The following FAM210A variants were observed in gnomAD, a reference collection of about 807,000 sequenced individuals.
The protein encoded by FAM210A is family with sequence similarity 210 member A.
Under a neutral mutation model 25.3 loss-of-function variants are expected in FAM210A, and 13 were observed. The observed-to-expected ratio is 0.51, with a 90% CI of 0.33 to 0.82. The LOEUF (loss-of-function observed/expected upper bound fraction) is 0.82. Among genes scored for constraint, FAM210A ranks in the 40% least tolerant of loss-of-function variants. The pLI, the probability that FAM210A is intolerant of heterozygous loss-of-function variation, is 0.02. For synonymous variants in FAM210A, 125 were observed against 118.7 expected (o/e 1.05, Z -0.35); for missense variants, 319 against 323.2 (o/e 0.99, Z 0.10).
intron 1 of FAM210A, among the ~76,000 whole-genome samples, chr18:13,710,035 G>GT (rs1481830984): frequency 3.3e-5 from 5 of 152,162 alleles, no homozygotes; most frequent in African/African-American, 1.2e-4. Flanking sequence ...TTAGTTGACA[G>GT]TTTAACTTTG....
intron 2 of FAM210A, among the ~76,000 whole-genome samples, chr18:13,673,504 A>T (rs1347189210): frequency 3.5e-5 from 5 of 143,280 alleles, no homozygotes. Flanking sequence ...AACATTCCTA[A>T]GCCCCGGCTT....
At chr18:13,715,223 T>G (rs1183826522) in intron 1 of FAM210A, 1 of 152,182 alleles carries the variant, frequency 6.6e-6, no homozygotes, top group African/African-American at 2.4e-5. Context: ...CACCTCTCTT[T>G]AGGCACTCTG....
At chr18:13,715,664 GCA>G (rs2043855984) in intron 1 of FAM210A, among the ~76,000 whole-genome samples, 1 of 152,106 alleles carries the variant, frequency 6.6e-6, no homozygotes, top group Non-Finnish European at 1.5e-5. Flanking sequence ...CACCAAACTT[GCA>G]CAGAGTTATT....
At chr18:13,712,890 C>G (rs950487318) in intron 1 of FAM210A, among the ~76,000 whole-genome samples, 11 of 152,194 alleles carry the variant, frequency 7.2e-5, no homozygotes, top group African/African-American at 2.7e-4. Flanking sequence ...TATACAAAGA[C>G]TGATAGCAGT....
At chr18:13,669,139 A>ACTT (rs2043423447) in intron 3 of FAM210A, among the ~76,000 whole-genome samples, 1 of 152,132 alleles carries the variant, frequency 6.6e-6, no homozygotes, top group South Asian at 2.1e-4. Context: ...GAATCCAACT[A>ACTT]CTTCCTGCTA....
chr18:13,682,302 C>G (rs2149057099), intron 1 of FAM210A, among the ~76,000 whole-genome samples, 197 bp from the exon 2 acceptor site: 1 of 152,332 alleles, frequency 6.6e-6, no homozygotes, highest in Middle Eastern at 3.4e-3. Context: ...TGTGGTTACT[C>G]ATACCTGTAA....
chr18:13,709,698 T>A (rs1265739238), intron 1 of FAM210A, among the ~76,000 whole-genome samples: 1 of 152,252 alleles, frequency 6.6e-6, no homozygotes, highest in Non-Finnish European at 1.5e-5. Context: ...ACTGTTTTTT[T>A]CATTGCATCC....
At chr18:13,679,356 G>T (rs955326493) in intron 2 of FAM210A, among the ~76,000 whole-genome samples, 2 of 152,184 alleles carry the variant, frequency 1.3e-5, no homozygotes, top group Admixed American at 1.3e-4. Context: ...CTAGCCTCTT[G>T]TCAGGTGAAT....
At chr18:13,674,765 TTATTTCCAGTTTTCTGATTATTAA>T (rs2043476504) in intron 2 of FAM210A, among the ~76,000 whole-genome samples, 2 of 58,982 alleles carry the variant, frequency 3.4e-5, no homozygotes, top group Admixed American at 2.0e-4. Context: ...AGCCCCGACT[TTATTTCCAGTTTTCTGATTATTAA>T]CATTCCTGAG....
At position 13,671,886 on chromosome 18, in the gene FAM210A, G is replaced by T. The variant is rs768777594; in HGVS notation, c.561C>A (p.Ala187=). ...CCTTAAACAAGGCATATGCTGTGAG[G>T]GCATTTCCACTCTGGGAGTTTTTCA... is the stretch of plus-strand genomic sequence containing the variant. The part of the protein sequence containing the change: ...SILKNSQSGN[A]LTAYALFKIA... The change falls in exon 3 of 4, where the codon GCC becomes GCA. Residue 187 remains alanine (A), a synonymous_variant. Transcript: ENST00000651643. 1 of 1,613,256 alleles carries T rather than the reference G, an allele frequency of 6.2e-7. No homozygotes were observed. Among genetic ancestry groups the T allele is most frequent in the African/African-American group, 1.3e-5 (1 of 74,912 alleles).
chr18:13,702,976 A>G (rs2043752739), intron 1 of FAM210A, among the ~76,000 whole-genome samples: 1 of 152,216 alleles, frequency 6.6e-6, no homozygotes, highest in Non-Finnish European at 1.5e-5. Flanking sequence ...TGTGGTTAAA[A>G]GTCAGCTTAA....
rs986155289 is a variant in FAM210A at position 13,681,917 on chromosome 18, T to C, written c.161A>G (p.Gln54Arg). ...CTGGGCAGCAGATAAATGCAACCAT[T>C]GTTTTTGAGGGCCTTGTACCAAAAC... ...KVVLVQGPQKQWLHLSAAQCV... is the reference protein window; with the variant it reads ...KVVLVQGPQKRWLHLSAAQCV... The change falls in exon 2 of 4, where the codon CAA (glutamine) becomes CGA (arginine). Residue 54 changes from glutamine to arginine, a missense_variant. Coordinates refer to ENST00000651643, the MANE Select transcript of FAM210A (RefSeq NM_152352.4). 7.4e-6 allele frequency: 12 copies of C among 1,614,214 alleles called. No individual in the cohort carries two copies.
At chr18:13,713,358 T>G (rs1406472873) in intron 1 of FAM210A, among the ~76,000 whole-genome samples, 1 of 152,188 alleles carries the variant, frequency 6.6e-6, no homozygotes, top group Non-Finnish European at 1.5e-5. Context: ...TGGCCTTTTG[T>G]CCAAGTTAGC....
intron 1 of FAM210A, among the ~76,000 whole-genome samples, chr18:13,708,807 C>T (rs771607604): frequency 7.9e-5 from 12 of 151,998 alleles, no homozygotes; most frequent in Admixed American, 2.0e-4. Context: ...CTAGTACTAG[C>T]GCCTTGCCTG....
At chr18:13,683,247 C>T (rs1156998709) in intron 1 of FAM210A, among the ~76,000 whole-genome samples, 1 of 152,240 alleles carries the variant, frequency 6.6e-6, no homozygotes, top group Non-Finnish European at 1.5e-5. Flanking sequence ...ACTATAATGC[C>T]TTCGGACTAA....
chr18:13,718,677 G>T (rs923298471), intron 1 of FAM210A, among the ~76,000 whole-genome samples: 3 of 152,042 alleles, frequency 2.0e-5, no homozygotes, highest in African/African-American at 7.2e-5. Flanking sequence ...ATGAAAATCA[G>T]TTTTAACATA....
intron 1 of FAM210A, among the ~76,000 whole-genome samples, chr18:13,720,417 G>C (rs577149600): frequency 6.6e-6 from 1 of 152,200 alleles, no homozygotes; most frequent in South Asian, 2.1e-4. Flanking sequence ...ACCCAAATGA[G>C]GAATTTGTCA....
intron 2 of FAM210A, among the ~76,000 whole-genome samples, chr18:13,681,143 C>T (rs1413228133): frequency 6.6e-6 from 1 of 152,122 alleles, no homozygotes; most frequent in Non-Finnish European, 1.5e-5. Context: ...CATGGTGCTG[C>T]CAAATTTCTG....
At chr18:13,671,288 C>G (rs1000938525) in intron 3 of FAM210A, among the ~76,000 whole-genome samples, 1 of 151,912 alleles carries the variant, frequency 6.6e-6, no homozygotes, top group African/African-American at 2.4e-5. Flanking sequence ...AAACCACACA[C>G]AAAACAAAAC....
Sources: gnomAD v4.1 joint callset for allele counts (sites outside exome capture counted in the v4.1 genomes callset) on GRCh38, gnomAD v4.1.1 for gene constraint, MANE v1.5 for transcripts, NCBI Gene and HGNC (gene_info 2026-07-23, HGNC 2026-07-21) for gene names.